Variants in NTM observed in about 807,000 individuals in gnomAD.
NTM encodes the protein IgLON family member 2.
In NTM, 13 loss-of-function variants were observed where a neutral mutation model predicts 42.1. That is an observed-to-expected ratio of 0.31 (90% CI 0.20 to 0.49). NTM has a LOEUF of 0.49. Among genes scored for constraint, NTM ranks in the 20% least tolerant of loss-of-function variants. NTM has a pLI of 0.99. For synonymous variants in NTM, 187 were observed against 179.2 expected (o/e 1.04, Z -0.35); for missense variants, 373 against 452.8 (o/e 0.82, Z 1.60).
intron 1 of NTM, among the ~76,000 whole-genome samples, chr11:131,595,499 AC>A (rs2137331350): frequency 6.6e-6 from 1 of 152,310 alleles, no homozygotes; most frequent in African/African-American, 2.4e-5. Flanking sequence ...CAGCTGAGAA[AC>A]TATTATTTTG....
chr11:131,891,715 G>A (rs1241191236), intron 1 of NTM, among the ~76,000 whole-genome samples: 2 of 152,218 alleles, frequency 1.3e-5, no homozygotes, highest in East Asian at 1.9e-4. Context: ...GTATTTTTCT[G>A]TGGACAACAA....
intron 5 of NTM, among the ~76,000 whole-genome samples, 189 bp downstream of exon 5, chr11:132,308,012 G>A (rs2140186508): frequency 6.6e-6 from 1 of 152,348 alleles, no homozygotes. Flanking sequence ...AGGTGTCACA[G>A]TGTCACGCTG....
At chr11:131,580,623 G>A (rs892104105) in intron 1 of NTM, among the ~76,000 whole-genome samples, 4 of 152,162 alleles carry the variant, frequency 2.6e-5, no homozygotes, top group African/African-American at 9.7e-5. Context: ...CTAATGGGAG[G>A]GGATGGGAGT....
At chr11:132,121,560 C>A (rs1269634186) in intron 2 of NTM, among the ~76,000 whole-genome samples, 1 of 152,122 alleles carries the variant, frequency 6.6e-6, no homozygotes, top group East Asian at 1.9e-4. Flanking sequence ...GTTCCCAGCT[C>A]TATTCTTGCC....
chr11:131,531,015 C>T (rs932656495), intron 1 of NTM, among the ~76,000 whole-genome samples: 16 of 152,272 alleles, frequency 1.1e-4, no homozygotes, highest in South Asian at 2.1e-4. Flanking sequence ...GTGCCTGCCA[C>T]GAGCAACGGC....
chr11:131,913,827 C>T (rs973093047), intron 2 of NTM, among the ~76,000 whole-genome samples: 3 of 152,198 alleles, frequency 2.0e-5, no homozygotes, highest in African/African-American at 7.2e-5. Flanking sequence ...GTCTTCCTGA[C>T]ACTCAAGAGA....
intron 1 of NTM, among the ~76,000 whole-genome samples, chr11:131,675,748 G>C (rs919641926): frequency 6.6e-6 from 1 of 152,152 alleles, no homozygotes; most frequent in Admixed American, 6.5e-5. Flanking sequence ...TGACTTAGAA[G>C]ACCCTCTGCC....
intron 1 of NTM, among the ~76,000 whole-genome samples, chr11:131,649,585 C>T (rs1362599791): frequency 1.3e-5 from 2 of 152,162 alleles, no homozygotes; most frequent in African/African-American, 4.8e-5. Context: ...CGAGGTCACA[C>T]TAGAGTTCCA....
At chr11:131,733,280 G>A (rs540201589) in intron 1 of NTM, among the ~76,000 whole-genome samples, 1 of 151,974 alleles carries the variant, frequency 6.6e-6, no homozygotes, top group South Asian at 2.1e-4. Flanking sequence ...CTAAATCCAG[G>A]GCCCATTAAC....
chr11:132,295,983 C>T (rs937764662), intron 4 of NTM, among the ~76,000 whole-genome samples: 2 of 152,088 alleles, frequency 1.3e-5, no homozygotes, highest in Admixed American at 1.3e-4. Context: ...GATTTGGAAG[C>T]TGTAAAGTGA....
intron 1 of NTM, among the ~76,000 whole-genome samples, chr11:131,513,762 A>G (rs938348294): frequency 6.6e-6 from 1 of 152,166 alleles, no homozygotes; most frequent in Non-Finnish European, 1.5e-5. Context: ...GGAGCTGAAA[A>G]TATTTATAAG....
intron 4 of NTM, among the ~76,000 whole-genome samples, chr11:132,245,726 T>C (rs982168075): frequency 6.6e-6 from 1 of 152,086 alleles, no homozygotes; most frequent in African/African-American, 2.4e-5. Flanking sequence ...CTCCCAGCAC[T>C]GACTTAGTAT....
chr11:131,796,115 T>C (rs1441955184), intron 1 of NTM: 1 of 985,260 alleles, frequency 1.0e-6, no homozygotes, highest in African/African-American at 1.7e-5. Context: ...TCTAGGGAAC[T>C]GGCCACAGGA....
At chr11:131,799,433 G>A (rs1043195866) in intron 1 of NTM, among the ~76,000 whole-genome samples, 1 of 152,010 alleles carries the variant, frequency 6.6e-6, no homozygotes, top group Non-Finnish European at 1.5e-5. Context: ...AATCAAAAAG[G>A]ATTTTATTTA....
Position 131,729,199 on chromosome 11 carries a change from C to T in NTM, c.83-182365C>T, listed in dbSNP as rs77273694. 3.4e-3 allele frequency among the ~76,000 whole-genome samples: 512 copies of T among 152,082 alleles called. 4 individuals carry two copies. The highest frequency in any genetic ancestry group is 0.011 in the African/African-American group (457 of 41,466). On this transcript the variant is annotated intron_variant, in intron 1 of 8. Coordinates refer to ENST00000683400, the MANE Select transcript of NTM (RefSeq NM_001352005.2). ...AATGAAGATTAAATGAGTTAATACA[C>T]GTAAAAGATGCCAAAGAGCTTCTGG...
intron 1 of NTM, chr11:131,794,515 G>T: frequency 2.0e-6 from 2 of 984,154 alleles, no homozygotes; most frequent in Non-Finnish European, 2.4e-6. Flanking sequence ...GCCTAAGAAA[G>T]AAAGAATTTT....
In NTM at chr11:132,257,957, A is replaced by G. The variant is rs2092606752; in HGVS notation, c.526+45810A>G. On this transcript the variant is annotated intron_variant, in intron 4 of 8. Transcript: ENST00000683400. ...TAGTGGAGCTGGCATTTACTGTGGC[A>G]TTTACTGTGTAGCTGCAGAGCCTTC... Among the ~76,000 whole-genome samples, 3 of 152,094 alleles carry G rather than the reference A, an allele frequency of 2.0e-5. No individual in the cohort carries two copies. In the South Asian group the frequency reaches 6.2e-4, roughly 32 times the overall value.
intron 1 of NTM, among the ~76,000 whole-genome samples, chr11:131,527,328 C>T (rs934730521): frequency 6.6e-6 from 1 of 152,164 alleles, no homozygotes; most frequent in Admixed American, 6.5e-5. Flanking sequence ...ATTCTGGACC[C>T]TTCTCCCCTT....
intron 1 of NTM, among the ~76,000 whole-genome samples, chr11:131,483,699 G>T (rs568381951): frequency 2.6e-5 from 4 of 152,182 alleles, no homozygotes; most frequent in African/African-American, 7.2e-5. Flanking sequence ...AAGAAGAGCC[G>T]CTGTCCCTCC....
Sources: allele counts gnomAD v4.1 joint callset (sites outside exome capture counted in the v4.1 genomes callset), GRCh38; gene constraint gnomAD v4.1.1; transcripts MANE v1.5; gene names NCBI Gene and HGNC (gene_info 2026-07-23, HGNC 2026-07-21).